RBM3: variants seen among roughly 807,000 people sequenced by gnomAD.
RBM3 encodes RNA binding motif protein 3, also known as RNA-binding protein 3.
RBM3 carries 3 observed loss-of-function variants against 12.0 expected under a neutral mutation model. That is an observed-to-expected ratio of 0.25 (90% CI 0.11 to 0.65). The LOEUF (loss-of-function observed/expected upper bound fraction) is 0.65. RBM3 is among the 30% of genes least tolerant of loss of function. The pLI, the probability that RBM3 is intolerant of heterozygous loss-of-function variation, is 0.84. For synonymous variants in RBM3, 58 were observed against 45.7 expected, an observed-to-expected ratio of 1.27 and a Z score of -1.08; for missense variants, 108 against 134.5, an observed-to-expected ratio of 0.80 and a Z score of 0.97.
In RBM3 at chrX:48,575,234, C is replaced by T. The variant is rs2062075036; in HGVS notation, c.54C>T (p.Asp18=). Residue 18 remains aspartate, a synonymous_variant, in exon 2 of 7, where the codon GAC becomes GAT. Transcript: ENST00000376759. ...TGGGAGGGCTCAACTTTAACACCGA[C>T]GAGCAGGCACTGGAAGACCACTTCA... ...LFVGGLNFNT[D]EQALEDHFSS... 2 of 1,208,306 alleles carry T rather than the reference C, an allele frequency of 1.7e-6. No individual in the cohort carries two copies. The highest frequency in any genetic ancestry group is 2.2e-5 in the Admixed American group (1 of 45,473).
Position 48,580,216 on chromosome X carries a change from T to TA in RBM3, c.*2777dup, listed in dbSNP as rs1394856717. 9.0e-6 allele frequency among the ~76,000 whole-genome samples: 1 copy of TA among 111,701 alleles called. No individual in the cohort carries two copies. The highest frequency in any genetic ancestry group is 1.9e-5 in the Non-Finnish European group (1 of 53,149). On this transcript the variant is annotated 3_prime_UTR_variant, in exon 7 of 7. Transcript: ENST00000376759. The stretch of plus-strand genomic sequence containing the variant: ...TCTCTTGTCAAGGGCCAGAATAAAT[T>TA]AAGAGATTGGCTTTTGGTTTTCAAT...
rs2062091304 is a variant in RBM3 at position 48,578,632 on chromosome X, G to A, written c.*1191G>A. ...TTGGAGAATATTTGGTTGGTGGGTGGGCAGGGACTGCCAGAGGGTTAGGTG... is the reference window on the plus strand; with the variant it reads ...TTGGAGAATATTTGGTTGGTGGGTGAGCAGGGACTGCCAGAGGGTTAGGTG... On this transcript the variant is annotated 3_prime_UTR_variant, in exon 7 of 7. Coordinates refer to ENST00000376759, the MANE Select transcript of RBM3 (RefSeq NM_006743.5). The A allele has an allele frequency of 9.0e-6, 1 of 111,562 alleles. No individual in the cohort carries two copies. The highest frequency in any genetic ancestry group is 3.3e-5 in the African/African-American group (1 of 30,708). The allele number at this position is 111,562 out of a possible 1,213,427, so 9.2% of individuals were successfully genotyped here.
intron 1 of RBM3, chrX:48,574,939 T>TGAATGTGAGAGCATGCG (rs2062073417): frequency 2.3e-6 from 1 of 442,861 alleles, no homozygotes; most frequent in African/African-American, 2.4e-5. Context: ...GTGGCGGCTA[T>TGAATGTGAGAGCATGCG]GAATGTGAGA....
At chrX:48,574,981 G>A (rs782171055) in intron 1 of RBM3, 187 bp from the exon 2 acceptor site, 5 of 453,714 alleles carry the variant, frequency 1.1e-5, no homozygotes, top group Non-Finnish European at 2.0e-5. Context: ...AATGGTGGCT[G>A]CGCTGAGCCA....
chrX:48,574,685 G>A (rs1249347176), intron 1 of RBM3, 112 bp downstream of exon 1: 2 of 330,117 alleles, frequency 6.1e-6, no homozygotes, highest in Non-Finnish European at 1.2e-5. Context: ...ACGTAGGCTT[G>A]GCTTTCTCTG....
intron 1 of RBM3, 119 bp from the exon 2 acceptor site, chrX:48,575,049 A>G (rs997442389): frequency 1.9e-6 from 1 of 536,737 alleles, no homozygotes. Context: ...AGTTACCCAT[A>G]TTTTGTTCCT....
Position 48,580,194 on chromosome X carries a change from C to G in RBM3, c.*2753C>G, listed in dbSNP as rs964779211. The stretch of plus-strand genomic sequence containing the variant: ...TCTTTCTGAACCATTCACCAAATCT[C>G]TTGTCAAGGGCCAGAATAAATTAAG... On this transcript the variant is annotated 3_prime_UTR_variant, in exon 7 of 7. Coordinates refer to ENST00000376759, the MANE Select transcript of RBM3 (RefSeq NM_006743.5). 8.9e-6 allele frequency among the ~76,000 whole-genome samples: 1 copy of G among 111,750 alleles called. No individual in the cohort carries two copies. Among genetic ancestry groups the G allele is most frequent in the Admixed American group, 9.6e-5 (1 of 10,418 alleles).
rs782683924 is a variant in RBM3, at chrX:48,576,447, G to T, written c.316+28G>T. ...GAGTGCAGTGATCGTTTTGATCATG[G>T]GGTGAGAGGGAGAGTTGCCTATGTG... On this transcript the variant is annotated intron_variant, in intron 4 of 6. Coordinates refer to ENST00000376759, the MANE Select transcript of RBM3 (RefSeq NM_006743.5). 13 of 1,201,013 alleles carry T rather than the reference G, an allele frequency of 1.1e-5. No individual in the cohort carries two copies. The East Asian group carries it at 3.9e-4, about 36-fold the overall frequency.
At position 48,578,604 on chromosome X, in the gene RBM3, G is replaced by C. The variant is rs1218953721; in HGVS notation, c.*1163G>C. 9.0e-6 allele frequency: 1 copy of C among 111,148 alleles called. No homozygotes were observed. The highest frequency in any genetic ancestry group is 1.9e-5 in the Non-Finnish European group (1 of 53,007). The allele number at this position is 111,148 out of a possible 1,213,427, so 9.2% of individuals were successfully genotyped here. A position where few individuals can be genotyped will look rare whatever the true frequency, so the allele number is the denominator to read the frequency against. ...AAAAATGGCACATCAACGAGAGGGA[G>C]GCTTGGAGAATATTTGGTTGGTGGG... On this transcript the variant is annotated 3_prime_UTR_variant, in exon 7 of 7. Transcript: ENST00000376759.
chrX:48,574,616 C>T (rs1602130310), intron 1 of RBM3, 43 bp downstream of exon 1: 1 of 330,842 alleles, frequency 3.0e-6, no homozygotes, highest in Non-Finnish European at 5.9e-6. Flanking sequence ...CCTCGCCACA[C>T]ACGCGCCGCG....
chrX:48,575,926 TAG>T, intron 3 of RBM3: 1 of 541,063 alleles, frequency 1.8e-6, no homozygotes, highest in Non-Finnish European at 2.9e-6. Flanking sequence ...GCTTAGGTAG[TAG>T]AGTCTGCAGA....
intron 5 of RBM3, 39 bp from the exon 6 acceptor site, chrX:48,576,987 A>G (rs1556989446): frequency 2.5e-6 from 3 of 1,195,895 alleles, no homozygotes; most frequent in South Asian, 3.6e-5. Flanking sequence ...TATATAATGC[A>G]GTACCAGAAA....
intron 3 of RBM3, 180 bp downstream of exon 3, chrX:48,575,847 C>T (rs1325603193): frequency 5.4e-6 from 3 of 550,768 alleles, no homozygotes; most frequent in Non-Finnish European, 8.5e-6. Context: ...AGAGCCTGGC[C>T]GCCTGGGAGG....
rs782796712 is a variant in RBM3 at position 48,580,814 on chromosome X, T to G, written c.*3373T>G. The G allele has an allele frequency of 9.0e-6, 1 of 111,576 alleles. No individual in the cohort carries two copies. Among genetic ancestry groups the G allele is most frequent in the Non-Finnish European group, 1.9e-5 (1 of 53,142 alleles). 9.2% of individuals were successfully genotyped at this position (111,576 alleles called of 1,213,427 possible). On this transcript the variant is annotated 3_prime_UTR_variant, in exon 7 of 7. Coordinates refer to ENST00000376759, the MANE Select transcript of RBM3 (RefSeq NM_006743.5). ...GGAGGTGTAGAACTTTTAAAAAGCT[T>G]CTTAAAATAAGTTGCTGTGAATACT...
chrX:48,576,102 A>G (rs2062078561), intron 3 of RBM3: 11 of 1,147,455 alleles, frequency 9.6e-6, no homozygotes, highest in Non-Finnish European at 1.3e-5. Context: ...TAGCAAGGGG[A>G]ACATGGTGCA....
intron 3 of RBM3, 32 bp downstream of exon 3, chrX:48,575,699 C>T (rs1569485538): frequency 6.2e-6 from 7 of 1,137,847 alleles, no homozygotes; most frequent in Non-Finnish European, 8.4e-6. Context: ...GGGACCTTGT[C>T]CCCATCTGCG....
chrX:48,575,253 C>T lies in RBM3; in HGVS notation c.73C>T (p.His25Tyr), dbSNP rs2062075090. ...CACCGACGAGCAGGCACTGGAAGAC[C>T]ACTTCAGCAGTTTCGGACCTATCTC... ...FNTDEQALED[H>Y]FSSFGPISEV... Residue 25 changes from histidine (H) to tyrosine (Y), a missense_variant, in exon 2 of 7, where the codon CAC becomes TAC. Coordinates refer to ENST00000376759, the MANE Select transcript of RBM3 (RefSeq NM_006743.5). The T allele has an allele frequency of 1.7e-6, 2 of 1,207,579 alleles. No individual in the cohort carries two copies. Among genetic ancestry groups the T allele is most frequent in the African/African-American group, 1.8e-5 (1 of 57,008 alleles).
intron 1 of RBM3, chrX:48,574,823 C>A (rs1556988826): frequency 2.9e-6 from 1 of 345,965 alleles, no homozygotes; most frequent in Non-Finnish European, 5.6e-6. Context: ...ACGCGACAGC[C>A]GACACTTACT....
chrX:48,575,746 G>A (rs1449691270), intron 3 of RBM3, 79 bp downstream of exon 3: 12 of 949,065 alleles, frequency 1.3e-5, no homozygotes, highest in African/African-American at 1.9e-5. Context: ...CTCTGTGTCT[G>A]CTCGGGGCAG....
Sources: gnomAD v4.1 joint callset for allele counts (sites outside exome capture counted in the v4.1 genomes callset) on GRCh38, gnomAD v4.1.1 for gene constraint, MANE v1.5 for transcripts, NCBI Gene and HGNC (gene_info 2026-07-23, HGNC 2026-07-21) for gene names.